POLN: variants seen among roughly 807,000 people sequenced by gnomAD.
POLN encodes the protein DNA polymerase N.
POLN carries 108 observed loss-of-function variants against 113.5 expected under a neutral mutation model. That is an observed-to-expected ratio of 0.95 (90% CI 0.81 to 1.12). The LOEUF is 1.12. Among genes scored for constraint, POLN ranks in the 50% most tolerant of loss-of-function variants. The probability of loss-of-function intolerance (pLI) is 0.00; values close to 1 mark genes in which losing one functional copy is unlikely to be tolerated. For synonymous variants in POLN, 386 were observed against 391.5 expected (o/e 0.99, Z 0.17); for missense variants, 1,097 against 1,077.1 (o/e 1.02, Z -0.26).
intron 24 of POLN, among the ~76,000 whole-genome samples, chr4:2,073,764 G>A (rs1016336618): frequency 2.0e-5 from 3 of 152,252 alleles, no homozygotes; most frequent in African/African-American, 7.2e-5. Flanking sequence ...CCCAAGCCGT[G>A]GTGGGCGCCA....
At chr4:2,088,753 G>A in intron 20 of POLN, 1 of 1,238,308 alleles carries the variant, frequency 8.1e-7, no homozygotes, top group South Asian at 1.6e-5. Context: ...CTTTTACAAT[G>A]TCATCAGGTG....
Position 2,128,227 on chromosome 4 carries a change from T to C in POLN, c.1868A>G (p.Asp623Gly), listed in dbSNP as rs764557250. 1 of 1,581,270 alleles carries C rather than the reference T, an allele frequency of 6.3e-7. No homozygotes were observed. The change falls in exon 19 of 26, where the codon GAC (aspartate) becomes GGC (glycine). Residue 623 changes from aspartate (D) to glycine (G), a missense_variant and splice_region_variant. Transcript: ENST00000511885. ...AATGCGCAATTCAATCTGTGAAAAGTCTGTGAGATACAGTTCTGCATTAAT... is the reference window on the plus strand; with the variant it reads ...AATGCGCAATTCAATCTGTGAAAAGCCTGTGAGATACAGTTCTGCATTAAT... ...SSKGHTFLAA[D>G]FSQIELRILT...
At chr4:2,228,374 A>ATC (rs1174102061) in intron 3 of POLN, 5 of 213,272 alleles carry the variant, frequency 2.3e-5, no homozygotes. Context: ...TTTTTGAGAT[A>ATC]GAGTCTCACT....
At chr4:2,211,817 A>C (rs1734000507) in intron 4 of POLN, among the ~76,000 whole-genome samples, 1 of 152,212 alleles carries the variant, frequency 6.6e-6, no homozygotes, top group Non-Finnish European at 1.5e-5. Flanking sequence ...TGTCTCAAAC[A>C]AACAAACAAA....
At chr4:2,103,380 C>T (rs1730973526) in intron 19 of POLN, among the ~76,000 whole-genome samples, 1 of 151,880 alleles carries the variant, frequency 6.6e-6, no homozygotes, top group Admixed American at 6.6e-5. Flanking sequence ...AACTTGAAGG[C>T]AGGTCTTTTG....
chr4:2,075,697 G>A (rs1333484687), intron 23 of POLN, among the ~76,000 whole-genome samples, 178 bp from the exon 24 acceptor site: 2 of 152,224 alleles, frequency 1.3e-5, no homozygotes, highest in East Asian at 3.9e-4. Flanking sequence ...CTGGCACTGA[G>A]GCCCAAGAGG....
intron 16 of POLN, among the ~76,000 whole-genome samples, chr4:2,154,785 GCAAA>G (rs1389162332): frequency 1.3e-5 from 2 of 152,280 alleles, no homozygotes; most frequent in East Asian, 3.9e-4. Flanking sequence ...AATTAAAACT[GCAAA>G]CAATCTAAAT....
At chr4:2,171,291 G>A (rs1347888419) in intron 11 of POLN, 110 bp from the exon 12 acceptor site, 5 of 918,612 alleles carry the variant, frequency 5.4e-6, no homozygotes, top group African/African-American at 1.7e-5. Context: ...GGTGGCTTAT[G>A]CCTGTGATAC....
At chr4:2,221,042 T>C (rs1205236539) in intron 3 of POLN, among the ~76,000 whole-genome samples, 2 of 152,156 alleles carry the variant, frequency 1.3e-5, no homozygotes, top group Non-Finnish European at 2.9e-5. Context: ...AGCTCTCCAT[T>C]GTTCTCCAGC....
chr4:2,193,380 T>A, intron 6 of POLN, 64 bp from the exon 7 acceptor site: 5 of 1,040,188 alleles, frequency 4.8e-6, no homozygotes, highest in Non-Finnish European at 7.1e-6. Context: ...CTTGGAAAAA[T>A]ATTATTACTA....
chr4:2,213,957 C>T (rs775059154), intron 3 of POLN, among the ~76,000 whole-genome samples: 3 of 152,078 alleles, frequency 2.0e-5, no homozygotes, highest in South Asian at 2.1e-4. Flanking sequence ...AAGCTTAGGC[C>T]GGGCGTGGTG....
chr4:2,174,182 T>C (rs141222995), intron 10 of POLN, among the ~76,000 whole-genome samples, 163 bp from the exon 11 acceptor site: 2 of 152,364 alleles, frequency 1.3e-5, no homozygotes, highest in East Asian at 3.9e-4. Flanking sequence ...AGGATCCCTG[T>C]GTCATACAGG....
intron 7 of POLN, among the ~76,000 whole-genome samples, chr4:2,192,164 T>C (rs1027151377): frequency 2.0e-5 from 3 of 150,976 alleles, no homozygotes; most frequent in Non-Finnish European, 4.4e-5. Context: ...TTGTTGAAAC[T>C]GGGTGATGCC....
At chr4:2,181,325 T>C (rs1454974643) in intron 7 of POLN, among the ~76,000 whole-genome samples, 1 of 152,052 alleles carries the variant, frequency 6.6e-6, no homozygotes, top group African/African-American at 2.4e-5. Flanking sequence ...TTGTTTTTTT[T>C]AGTAGAGATG....
At chr4:2,237,031 C>T (rs531290222) in intron 2 of POLN, among the ~76,000 whole-genome samples, 1 of 152,000 alleles carries the variant, frequency 6.6e-6, no homozygotes, top group South Asian at 2.1e-4. Flanking sequence ...TTCCCAGTTT[C>T]CCCACCATCC....
intron 16 of POLN, among the ~76,000 whole-genome samples, chr4:2,135,736 C>G (rs1178634590): frequency 6.6e-6 from 1 of 152,206 alleles, no homozygotes; most frequent in East Asian, 1.9e-4. Flanking sequence ...GGTCACCCAG[C>G]ACACTGGGGG....
At chr4:2,228,268 A>G (rs1038419670) in intron 3 of POLN, 3 of 167,008 alleles carry the variant, frequency 1.8e-5, no homozygotes, top group Non-Finnish European at 2.6e-5. Context: ...AAACACCAAC[A>G]AAAAACAAAA....
chr4:2,145,114 C>G (rs1732103460), intron 16 of POLN, among the ~76,000 whole-genome samples: 1 of 151,732 alleles, frequency 6.6e-6, no homozygotes, highest in South Asian at 2.1e-4. Context: ...TACCTTAGAC[C>G]TAAATAAAAA....
At chr4:2,080,655 G>T in intron 23 of POLN, 1 of 1,301,266 alleles carries the variant, frequency 7.7e-7, no homozygotes, top group Non-Finnish European at 9.9e-7. Flanking sequence ...GCCTGCCTCT[G>T]GGGTGGGCAG....
Sources: allele counts gnomAD v4.1 joint callset (sites outside exome capture counted in the v4.1 genomes callset), GRCh38; gene constraint gnomAD v4.1.1; transcripts MANE v1.5; gene names NCBI Gene and HGNC (gene_info 2026-07-23, HGNC 2026-07-21).